The following NPSR1 variants were observed in gnomAD, a reference collection of about 807,000 sequenced individuals.
The protein encoded by NPSR1 is neuropeptide S receptor 1.
NPSR1 carries 48 observed loss-of-function variants against 46.9 expected under a neutral mutation model. The ratio of observed to expected loss-of-function variants is 1.02; its 90% CI spans 0.81 to 1.30. NPSR1 has a LOEUF of 1.30. Ranked by LOEUF, NPSR1 falls within the 50% of genes most tolerant of loss-of-function variation. NPSR1 has a pLI of 0.00. For synonymous variants in NPSR1, 176 were observed against 168.1 expected, an observed-to-expected ratio of 1.05 and a Z score of -0.36; for missense variants, 450 against 449.5, an observed-to-expected ratio of 1.00 and a Z score of -0.01.
chr7:34,667,322 G>A (rs986194673), intron 1 of NPSR1, among the ~76,000 whole-genome samples: 4 of 152,172 alleles, frequency 2.6e-5, no homozygotes, highest in African/African-American at 9.7e-5. Flanking sequence ...TTCTCATGTG[G>A]GAGGAAGAGT....
At chr7:34,660,960 G>A (rs1010911655) in intron 1 of NPSR1, among the ~76,000 whole-genome samples, 2 of 152,066 alleles carry the variant, frequency 1.3e-5, no homozygotes, top group African/African-American at 4.8e-5. Flanking sequence ...CATATGTGTT[G>A]GCTGAATGTG....
intron 1 of NPSR1, among the ~76,000 whole-genome samples, chr7:34,667,101 TCTC>T (rs1001951568): frequency 3.3e-5 from 5 of 152,330 alleles, no homozygotes; most frequent in African/African-American, 2.4e-5. Flanking sequence ...ATTTTTTTAT[TCTC>T]CTCCAAAAAG....
At chr7:34,710,787 C>T (rs1783242238) in intron 2 of NPSR1, 2 of 491,544 alleles carry the variant, frequency 4.1e-6, no homozygotes, top group Non-Finnish European at 7.7e-6. Context: ...AGAAATGTTT[C>T]CTGCTGTGCC....
At chr7:34,804,307 T>C (rs1332546554) in intron 3 of NPSR1, among the ~76,000 whole-genome samples, 1 of 152,106 alleles carries the variant, frequency 6.6e-6, no homozygotes, top group Non-Finnish European at 1.5e-5. Flanking sequence ...TAATCATGTA[T>C]AGAAAGAATT....
intron 2 of NPSR1, among the ~76,000 whole-genome samples, chr7:34,698,325 A>G (rs1171016262): frequency 6.6e-6 from 1 of 152,146 alleles, no homozygotes; most frequent in African/African-American, 2.4e-5. Context: ...GTTTTATTTC[A>G]ATACAAAGTT....
chr7:34,679,937 T>C (rs2531841), intron 1 of NPSR1, among the ~76,000 whole-genome samples: 82,848 of 151,806 alleles, frequency 0.55, 24,185 homozygotes, highest in African/African-American at 0.76. Context: ...ACAAATGAGA[T>C]AAAAAATATC....
Position 34,861,263 on chromosome 7 carries a change from G to A in NPSR1, c.1025+12600G>A, listed in dbSNP as rs1791186182. On this transcript the variant is annotated intron_variant, in intron 8 of 8. Coordinates refer to the NPSR1 transcript ENST00000359791. ...TGAGTTTGAGCAACAAACAGCACTC[G>A]TGTTTGTCAGAATGAGCCTCTGAGC... Among the ~76,000 whole-genome samples the A allele has an allele frequency of 1.3e-5, 2 of 151,940 alleles. 1 individual carries two copies. The highest frequency in any genetic ancestry group is 4.1e-4 in the South Asian group (2 of 4,834).
intron 2 of NPSR1, among the ~76,000 whole-genome samples, chr7:34,764,639 C>A (rs1786346813): frequency 6.6e-6 from 1 of 152,190 alleles, no homozygotes; most frequent in Non-Finnish European, 1.5e-5. Flanking sequence ...AGTGTGGGAA[C>A]AAACACTGTT....
chr7:34,708,359 C>T (rs1211009230), intron 2 of NPSR1, among the ~76,000 whole-genome samples: 1 of 152,198 alleles, frequency 6.6e-6, no homozygotes, highest in South Asian at 2.1e-4. Flanking sequence ...ATCCATGGAA[C>T]AAGACATGCA....
intron 1 of NPSR1, among the ~76,000 whole-genome samples, chr7:34,666,968 GATA>G (rs1308431757): frequency 6.6e-6 from 1 of 152,082 alleles, no homozygotes; most frequent in African/African-American, 2.4e-5. Context: ...CTACATTCCA[GATA>G]ATAACAATGC....
chr7:34,792,138 C>A (rs1480061612), intron 3 of NPSR1, among the ~76,000 whole-genome samples: 1 of 151,960 alleles, frequency 6.6e-6, no homozygotes, highest in Admixed American at 6.6e-5. Flanking sequence ...GGAAATGTTC[C>A]TTGACATTTC....
chr7:34,755,646 G>A (rs1229556145), intron 2 of NPSR1, among the ~76,000 whole-genome samples: 2 of 152,060 alleles, frequency 1.3e-5, no homozygotes, highest in Non-Finnish European at 2.9e-5. Flanking sequence ...CATTTTGTGA[G>A]CTGCTTATTT....
chr7:34,741,698 T>A (rs1784949616), intron 2 of NPSR1, among the ~76,000 whole-genome samples: 2 of 152,138 alleles, frequency 1.3e-5, no homozygotes. Context: ...TGCCAGACAG[T>A]CAAAACACAC....
At chr7:34,764,280 TC>T (rs1222503156) in intron 2 of NPSR1, among the ~76,000 whole-genome samples, 1 of 152,214 alleles carries the variant, frequency 6.6e-6, no homozygotes, top group African/African-American at 2.4e-5. Context: ...AAAGTGTTTT[TC>T]TTAAAGTACA....
At chr7:34,825,333 A>G (rs1287597971) in intron 4 of NPSR1, among the ~76,000 whole-genome samples, 2 of 152,252 alleles carry the variant, frequency 1.3e-5, no homozygotes, top group African/African-American at 4.8e-5. Context: ...CACCTTTCAT[A>G]CTGTCCTAAT....
chr7:34,861,464 G>T (rs1000937707), intron 8 of NPSR1, among the ~76,000 whole-genome samples: 21 of 151,638 alleles, frequency 1.4e-4, no homozygotes, highest in Non-Finnish European at 7.4e-5. Flanking sequence ...CTGGATGCCC[G>T]ACTATCTGGC....
chr7:34,830,429 T>C (rs966845292), intron 5 of NPSR1, among the ~76,000 whole-genome samples: 5 of 152,252 alleles, frequency 3.3e-5, no homozygotes, highest in South Asian at 2.1e-4. Flanking sequence ...ATATTTTATA[T>C]GCTTTTTGCC....
downstream of NPSR1, among the ~76,000 whole-genome samples, chr7:34,852,627 T>C (rs998849331): frequency 6.6e-6 from 1 of 152,146 alleles, no homozygotes; most frequent in Non-Finnish European, 1.5e-5. Context: ...TCTATCACTA[T>C]GAATGCAGAG....
At chr7:34,767,019 G>A (rs556025761) in intron 2 of NPSR1, among the ~76,000 whole-genome samples, 44 of 152,198 alleles carry the variant, frequency 2.9e-4, no homozygotes, top group Non-Finnish European at 5.4e-4. Context: ...TGGCTATAAA[G>A]GGATAGCACA....
Sources: gnomAD v4.1 joint callset for allele counts (sites outside exome capture counted in the v4.1 genomes callset) on GRCh38, gnomAD v4.1.1 for gene constraint, MANE v1.5 for transcripts, NCBI Gene and HGNC (gene_info 2026-07-23, HGNC 2026-07-21) for gene names.